ADAM32: variants seen among roughly 807,000 people sequenced by gnomAD.
The protein encoded by ADAM32 is ADAM metallopeptidase domain 32, also known as disintegrin and metalloproteinase domain-containing protein 32.
In ADAM32, 89 loss-of-function variants were observed where a neutral mutation model predicts 114.9. That is an observed-to-expected ratio of 0.77 (90% CI 0.65 to 0.92). The LOEUF is 0.92. ADAM32 is among the 40% of genes least tolerant of loss of function. The probability of loss-of-function intolerance (pLI) is 0.00; values close to 1 mark genes in which losing one functional copy is unlikely to be tolerated. For missense variants in ADAM32, 870 were observed against 932.8 expected (o/e 0.93, Z 0.88); for synonymous variants, 285 against 307.5 (o/e 0.93, Z 0.77).
chr8:39,273,640 C>G (rs527641492), intron 20 of ADAM32, among the ~76,000 whole-genome samples: 1 of 152,316 alleles, frequency 6.6e-6, no homozygotes, highest in East Asian at 1.9e-4. Context: ...ATGTGATGTA[C>G]TTTCATATGA....
In ADAM32 at chr8:39,233,994, C is replaced by A. The variant is rs1246818213; in HGVS notation, c.1730C>A (p.Ser577Tyr). Residue 577 changes from serine to tyrosine, a missense_variant, in exon 16 of 25, where the codon TCT becomes TAT. Ser to Tyr is a moderately radical substitution (Grantham distance 144). Coordinates refer to ENST00000379907, the MANE Select transcript of ADAM32 (RefSeq NM_145004.7). ...GTGATTTATGCTTTCGTACGAGATT[C>A]TGTATGCATAACTGTAGACTACAAA... is the stretch of plus-strand genomic sequence containing the variant. ...GDVIYAFVRDSVCITVDYKLP... is the reference protein window; with the variant it reads ...GDVIYAFVRDYVCITVDYKLP... The A allele has an allele frequency of 8.9e-6, 14 of 1,572,512 alleles. No homozygotes were observed. The highest frequency in any genetic ancestry group is 2.3e-5 in the East Asian group (1 of 43,172).
rs112269613 is a variant in ADAM32 at position 39,200,588 on chromosome 8, A to G, written c.1053-10556A>G. ...TTCTGTAGGTTGCCTCTTCACTCTG[A>G]TGGTAGTTTCTTTTGTTGTGCAGAA... is the stretch of plus-strand genomic sequence containing the variant. On this transcript the variant is annotated intron_variant, in intron 11 of 24. Transcript: ENST00000379907. Among the ~76,000 whole-genome samples, 4 of 152,210 alleles carry G rather than the reference A, an allele frequency of 2.6e-5. 1 individual carries two copies. The highest frequency in any genetic ancestry group is 9.6e-5 in the African/African-American group (4 of 41,548).
chr8:39,276,926 A>G (rs906043654), intron 22 of ADAM32, among the ~76,000 whole-genome samples: 1 of 152,184 alleles, frequency 6.6e-6, no homozygotes, highest in South Asian at 2.1e-4. Context: ...CATGTAGCAG[A>G]GTGCTCGGCT....
At chr8:39,165,356 AT>A (rs1804763605) in intron 9 of ADAM32, 160 bp downstream of exon 9, 2 of 561,536 alleles carry the variant, frequency 3.6e-6, no homozygotes, top group Admixed American at 4.0e-5. Context: ...TTGTCAGGCA[AT>A]AAAAAACTTT....
At chr8:39,200,807 G>A (rs1212424350) in intron 11 of ADAM32, among the ~76,000 whole-genome samples, 1 of 152,160 alleles carries the variant, frequency 6.6e-6, no homozygotes, top group African/African-American at 2.4e-5. Context: ...TGTATAAGGT[G>A]TAAGGAAGGG....
chr8:39,234,090 A>C lies in ADAM32; in HGVS notation c.1818+8A>C. On this transcript the variant is annotated splice_region_variant and intron_variant, in intron 16 of 24. Transcript: ENST00000379907. ...CAGTGTGATATTGGGAGGGTAAATA[A>C]TTTAAAATCTATTTAAAAAATATAG... 1 of 1,330,950 alleles carries C rather than the reference A, an allele frequency of 7.5e-7. No individual in the cohort carries two copies. The highest frequency in any genetic ancestry group is 9.7e-7 in the Non-Finnish European group (1 of 1,027,852). 82.4% of individuals were successfully genotyped at this position (1,330,950 alleles called of 1,614,324 possible). A position where few individuals can be genotyped will look rare whatever the true frequency, so the allele number is the denominator to read the frequency against.
At chr8:39,253,032 A>G (rs1419942173) in intron 17 of ADAM32, among the ~76,000 whole-genome samples, 1 of 151,810 alleles carries the variant, frequency 6.6e-6, no homozygotes, top group Admixed American at 6.6e-5. Flanking sequence ...ATCTACAAAC[A>G]TGCATGCAAA....
chr8:39,107,638 G>A, upstream of ADAM32: 2 of 1,489,202 alleles, frequency 1.3e-6, no homozygotes, highest in South Asian at 2.6e-5. Context: ...AACACCGAGA[G>A]CACCCCGTCT....
At chr8:39,217,117 A>ATATT (rs1554617204) in intron 12 of ADAM32, among the ~76,000 whole-genome samples, 3 of 150,448 alleles carry the variant, frequency 2.0e-5, no homozygotes, top group African/African-American at 7.3e-5. Flanking sequence ...ATATATATAT[A>ATATT]TTTTTTTACC....
intron 19 of ADAM32, among the ~76,000 whole-genome samples, chr8:39,260,029 A>G (rs1811926522): frequency 6.6e-6 from 1 of 152,116 alleles, no homozygotes; most frequent in Non-Finnish European, 1.5e-5. Context: ...TTGGAATCCT[A>G]CTTTTTCATT....
At chr8:39,137,597 C>G (rs994493076) in intron 3 of ADAM32, among the ~76,000 whole-genome samples, 3 of 151,930 alleles carry the variant, frequency 2.0e-5, no homozygotes, top group African/African-American at 7.3e-5. Flanking sequence ...TGGTGAAACC[C>G]TGTCTCTACT....
At chr8:39,121,677 G>A (rs1206985266) in intron 2 of ADAM32, among the ~76,000 whole-genome samples, 1 of 152,206 alleles carries the variant, frequency 6.6e-6, no homozygotes, top group African/African-American at 2.4e-5. Flanking sequence ...ACAGGCCCAG[G>A]AGGCAAGGCT....
intron 19 of ADAM32, 141 bp from the exon 20 acceptor site, chr8:39,270,735 A>G (rs1812658507): frequency 1.4e-6 from 1 of 698,660 alleles, no homozygotes; most frequent in African/African-American, 1.8e-5. Flanking sequence ...ATCTGTGTTC[A>G]TTGACCTTTG....
chr8:39,133,918 C>T (rs542946604), intron 2 of ADAM32, among the ~76,000 whole-genome samples: 59 of 152,284 alleles, frequency 3.9e-4, no homozygotes, highest in African/African-American at 1.3e-3. Flanking sequence ...GCTGGGAGCG[C>T]GTGAGGTTGC....
chr8:39,151,180 A>G (rs984937728), intron 5 of ADAM32, among the ~76,000 whole-genome samples, 197 bp from the exon 6 acceptor site: 2 of 152,144 alleles, frequency 1.3e-5, no homozygotes, highest in African/African-American at 4.8e-5. Flanking sequence ...TGCTCTTACA[A>G]CTATACAAAA....
intron 10 of ADAM32, among the ~76,000 whole-genome samples, chr8:39,177,525 G>T (rs538441776): frequency 9.2e-5 from 14 of 152,092 alleles, no homozygotes; most frequent in South Asian, 2.1e-4. Context: ...AATTAATGTT[G>T]TTCTGTGTGA....
Position 39,170,006 on chromosome 8 carries a change from C to CT in ADAM32, c.915+10dup. ...CTGCAGGAGTTGCATTGGTATGTAA[C>CT]TATTTAATCTTATTTTTTAAATTAA... On this transcript the variant is annotated intron_variant, in intron 10 of 24. Coordinates refer to ENST00000379907, the MANE Select transcript of ADAM32 (RefSeq NM_145004.7). 5 of 1,547,592 alleles carry CT rather than the reference C, an allele frequency of 3.2e-6. No individual in the cohort carries two copies. Among genetic ancestry groups the CT allele is most frequent in the Non-Finnish European group, 4.4e-6 (5 of 1,133,840 alleles).
chr8:39,214,714 T>A (rs1388434218), intron 12 of ADAM32, among the ~76,000 whole-genome samples: 1 of 152,126 alleles, frequency 6.6e-6, no homozygotes. Flanking sequence ...TTATTCATGT[T>A]TCGTTTGGTT....
Position 39,223,163 on chromosome 8 carries a change from A to G in ADAM32, c.1450A>G (p.Lys484Glu), listed in dbSNP as rs755737546. 2 of 1,600,600 alleles carry G rather than the reference A, an allele frequency of 1.2e-6. No individual in the cohort carries two copies. The highest frequency in any genetic ancestry group is 2.7e-5 in the African/African-American group (2 of 74,476). ...AACTTTAATCAATGGACTTTCATGC[A>G]AAAATAATAAGTTTATTTGTTATGA... ...DITLINGLSC[K>E]NNKFICYDGD... The change falls in exon 14 of 25, where the codon AAA becomes GAA. Residue 484 changes from lysine to glutamate, a missense_variant. Physicochemically the swap from Lys to Glu is moderately conservative, Grantham distance 56 (BLOSUM62 1). Coordinates refer to ENST00000379907, the MANE Select transcript of ADAM32 (RefSeq NM_145004.7).
Sources: gnomAD v4.1 joint callset for allele counts (sites outside exome capture counted in the v4.1 genomes callset) on GRCh38, gnomAD v4.1.1 for gene constraint, MANE v1.5 for transcripts, NCBI Gene and HGNC (gene_info 2026-07-23, HGNC 2026-07-21) for gene names.